Variants in SYN2 observed in about 807,000 individuals in gnomAD.
The protein encoded by SYN2 is synapsin II, also known as synapsin-2.
A neutral mutation model predicts 50.9 loss-of-function variants in SYN2; 19 were observed. The observed-to-expected ratio is 0.37, with a 90% CI of 0.26 to 0.55. The LOEUF (loss-of-function observed/expected upper bound fraction) is 0.55. Among genes scored for constraint, SYN2 ranks in the 20% least tolerant of loss-of-function variants. The probability of loss-of-function intolerance (pLI) is 0.81; values close to 1 mark genes in which losing one functional copy is unlikely to be tolerated. For missense variants in SYN2, 587 were observed against 576.4 expected, an observed-to-expected ratio of 1.02 and a Z score of -0.19; for synonymous variants, 255 against 224.9, an observed-to-expected ratio of 1.13 and a Z score of -1.20.
chr3:12,056,366 G>T (rs970563711), intron 1 of SYN2, among the ~76,000 whole-genome samples: 1 of 151,766 alleles, frequency 6.6e-6, no homozygotes, highest in Non-Finnish European at 1.5e-5. Context: ...CTGGATGGTG[G>T]ATACATGAGT....
chr3:12,131,449 T>A (rs1696795441), intron 1 of SYN2, among the ~76,000 whole-genome samples: 1 of 152,158 alleles, frequency 6.6e-6, no homozygotes, highest in African/African-American at 2.4e-5. Flanking sequence ...TCTTCAAAAT[T>A]ATATTTGCCT....
In SYN2 at chr3:12,036,324, G is replaced by A. The variant is rs189324820; in HGVS notation, c.377+31396G>A. Among the ~76,000 whole-genome samples, 3 of 152,216 alleles carry A rather than the reference G, an allele frequency of 2.0e-5. No homozygotes were observed. In the East Asian group the frequency reaches 5.8e-4, roughly 29 times the overall value. ...GTTCCTGTGACAAGTCTCTGCGTTG[G>A]CCCCCAGGACATCTGCAACATCCTT... On this transcript the variant is annotated intron_variant, in intron 1 of 12. Coordinates refer to ENST00000621198, the MANE Select transcript of SYN2 (RefSeq NM_133625.6).
intron 11 of SYN2, chr3:12,185,463 A>G: frequency 1.0e-6 from 1 of 985,846 alleles, no homozygotes; most frequent in Non-Finnish European, 1.2e-6. Context: ...TCCCACTGCC[A>G]AATGCAAGCA....
chr3:12,176,368 C>T (rs910737408), intron 10 of SYN2, among the ~76,000 whole-genome samples: 3 of 152,182 alleles, frequency 2.0e-5, no homozygotes, highest in African/African-American at 7.2e-5. Flanking sequence ...CTGTAAAATT[C>T]TCCAGAGCCA....
At chr3:12,104,061 TTAAA>T (rs1381924577) in intron 1 of SYN2, among the ~76,000 whole-genome samples, 6 of 152,200 alleles carry the variant, frequency 3.9e-5, no homozygotes, top group African/African-American at 1.2e-4. Flanking sequence ...ACAATAATAC[TTAAA>T]TAAAGCTTGG....
chr3:12,048,469 G>C (rs1694789450), intron 1 of SYN2, among the ~76,000 whole-genome samples: 1 of 152,224 alleles, frequency 6.6e-6, no homozygotes, highest in African/African-American at 2.4e-5. Context: ...GTGACCCACT[G>C]TGCCAGGCTG....
chr3:12,008,991 A>G (rs1468224838), intron 1 of SYN2, among the ~76,000 whole-genome samples: 1 of 152,138 alleles, frequency 6.6e-6, no homozygotes, highest in African/African-American at 2.4e-5. Flanking sequence ...AGAGGAATTC[A>G]AAGTACTGCA....
rs193178778 is a variant in SYN2, at chr3:12,184,231, C to A, written c.1369+859C>A. 19 of 985,668 alleles carry A rather than the reference C, an allele frequency of 1.9e-5. No homozygotes were observed. In the African/African-American group the frequency reaches 3.3e-4, roughly 17 times the overall value. The allele number at this position is 985,668 out of a possible 1,614,324, so 61.1% of individuals were successfully genotyped here. ...CTATGAGATTTTTAAAAAATGGGGC[C>A]GCTGATGTGCAATATCAAAGTGAAC... On this transcript the variant is annotated intron_variant, in intron 11 of 12. Coordinates refer to ENST00000621198, the MANE Select transcript of SYN2 (RefSeq NM_133625.6).
intron 1 of SYN2, among the ~76,000 whole-genome samples, chr3:12,076,221 T>C (rs1695464747): frequency 6.6e-6 from 1 of 152,068 alleles, no homozygotes; most frequent in Admixed American, 6.6e-5. Flanking sequence ...ATAATACCAG[T>C]GTGAGGTAAT....
At chr3:12,070,772 A>T in intron 1 of SYN2, 1 of 687,182 alleles carries the variant, frequency 1.5e-6, no homozygotes, top group Non-Finnish European at 2.6e-6. Flanking sequence ...CTGCATCTGG[A>T]CCTGGCTGGT....
intron 1 of SYN2, among the ~76,000 whole-genome samples, chr3:12,096,903 A>C (rs1362773436): frequency 6.6e-6 from 1 of 152,196 alleles, no homozygotes; most frequent in East Asian, 1.9e-4. Flanking sequence ...CCTGTAGAGC[A>C]CCATCAAGTA....
At chr3:12,053,435 A>C (rs1365638115) in intron 1 of SYN2, among the ~76,000 whole-genome samples, 1 of 142,346 alleles carries the variant, frequency 7.0e-6, no homozygotes, top group Non-Finnish European at 1.5e-5. Flanking sequence ...AACAAAAAAC[A>C]AAACAAAACA....
At chr3:12,100,296 G>C (rs954107701) in intron 1 of SYN2, among the ~76,000 whole-genome samples, 5 of 152,142 alleles carry the variant, frequency 3.3e-5, no homozygotes, top group Non-Finnish European at 4.4e-5. Flanking sequence ...TAGACATATA[G>C]ATTAAAGAAA....
chr3:12,114,353 T>C (rs565599415), intron 1 of SYN2, among the ~76,000 whole-genome samples: 10 of 152,182 alleles, frequency 6.6e-5, no homozygotes, highest in Non-Finnish European at 1.2e-4. Context: ...TAAACTGTTA[T>C]GAGATATATG....
intron 1 of SYN2, among the ~76,000 whole-genome samples, chr3:12,022,881 A>G (rs1359729496): frequency 6.6e-6 from 1 of 152,120 alleles, no homozygotes; most frequent in African/African-American, 2.4e-5. Context: ...GAGGATGAAT[A>G]TGGTGGTCTC....
chr3:12,142,421 C>G (rs887191730), intron 3 of SYN2, among the ~76,000 whole-genome samples: 1 of 152,272 alleles, frequency 6.6e-6, no homozygotes, highest in African/African-American at 2.4e-5. Flanking sequence ...GCTTAGATTC[C>G]CCTAGTGAGT....
intron 1 of SYN2, among the ~76,000 whole-genome samples, chr3:12,139,986 T>TA (rs1255307534): frequency 6.6e-6 from 1 of 152,234 alleles, no homozygotes; most frequent in African/African-American, 2.4e-5. Flanking sequence ...ACTGGGAAGA[T>TA]ACTATGTACT....
intron 1 of SYN2, among the ~76,000 whole-genome samples, chr3:12,054,184 T>C (rs1694938054): frequency 6.6e-6 from 1 of 152,168 alleles, no homozygotes; most frequent in South Asian, 2.1e-4. Context: ...TGAAAACTGT[T>C]AGAGTAGTCC....
chr3:12,050,567 C>G (rs1010407232), intron 1 of SYN2, among the ~76,000 whole-genome samples: 2 of 151,560 alleles, frequency 1.3e-5, no homozygotes, highest in African/African-American at 4.8e-5. Context: ...GCTGGTCTTG[C>G]ACTCCTGACC....
Sources: gnomAD v4.1 joint callset for allele counts (sites outside exome capture counted in the v4.1 genomes callset) on GRCh38, gnomAD v4.1.1 for gene constraint, MANE v1.5 for transcripts, NCBI Gene and HGNC (gene_info 2026-07-23, HGNC 2026-07-21) for gene names.